SRBD1: variants seen among roughly 807,000 people sequenced by gnomAD.
SRBD1 encodes the protein S1 RNA binding domain 1.
SRBD1 carries 88 observed loss-of-function variants against 115.3 expected under a neutral mutation model. That is an observed-to-expected ratio of 0.76 (90% confidence interval 0.64 to 0.91). The LOEUF (loss-of-function observed/expected upper bound fraction) is 0.91. Ranked by LOEUF, SRBD1 falls within the 40% of genes least tolerant of loss-of-function variation. The probability of loss-of-function intolerance (pLI) is 0.00; values close to 1 mark genes in which losing one functional copy is unlikely to be tolerated. For synonymous variants in SRBD1, 509 were observed against 407.7 expected, an observed-to-expected ratio of 1.25 and a Z score of -2.99; for missense variants, 1,385 against 1,177.4, an observed-to-expected ratio of 1.18 and a Z score of -2.58.
Position 45,413,249 on chromosome 2 carries a change from G to T in SRBD1, c.2378C>A (p.Thr793Lys), listed in dbSNP as rs762746662. Residue 793 changes from threonine to lysine, a missense_variant, in exon 19 of 21, where the codon ACA (threonine) becomes AAA (lysine). By Grantham distance (78) the Thr-to-Lys change is moderately conservative. Coordinates refer to ENST00000263736, the MANE Select transcript of SRBD1 (RefSeq NM_018079.5). ...TSGQIQGVAV[T>K]SSADVEVTNE... Reference sequence around the variant, plus strand: ...TGTGACCTCAACGTCTGCTGAAGATGTCACAGCAACTCCTTGAATTTGGCC... The same window carrying T: ...TGTGACCTCAACGTCTGCTGAAGATTTCACAGCAACTCCTTGAATTTGGCC... 6 of 1,614,034 alleles carry T rather than the reference G, an allele frequency of 3.7e-6. No individual in the cohort carries two copies. Among genetic ancestry groups the T allele is most frequent in the Non-Finnish European group, 5.1e-6 (6 of 1,179,976 alleles).
At chr2:45,426,361 T>A (rs1160785717) in intron 16 of SRBD1, among the ~76,000 whole-genome samples, 1 of 152,222 alleles carries the variant, frequency 6.6e-6, no homozygotes, top group African/African-American at 2.4e-5. Flanking sequence ...CAGGGGCTTA[T>A]AGATAAAACT....
chr2:45,543,775 A>C (rs151325807), intron 14 of SRBD1, among the ~76,000 whole-genome samples: 1 of 152,228 alleles, frequency 6.6e-6, no homozygotes, highest in Non-Finnish European at 1.5e-5. Context: ...AAATGCAAAA[A>C]GTACATTAAA....
At chr2:45,534,503 C>T (rs1671708147) in intron 14 of SRBD1, among the ~76,000 whole-genome samples, 2 of 151,870 alleles carry the variant, frequency 1.3e-5, no homozygotes, top group Non-Finnish European at 2.9e-5. Flanking sequence ...ATTTAAATAA[C>T]ACAGCACCTT....
chr2:45,575,890 G>A (rs1352815613), intron 7 of SRBD1, among the ~76,000 whole-genome samples: 1 of 152,116 alleles, frequency 6.6e-6, no homozygotes, highest in Non-Finnish European at 1.5e-5. Flanking sequence ...TTTTAGTAGT[G>A]ACGGGCTTTC....
chr2:45,470,145 C>A (rs542327809), intron 16 of SRBD1, among the ~76,000 whole-genome samples: 3 of 152,156 alleles, frequency 2.0e-5, no homozygotes, highest in African/African-American at 4.8e-5. Context: ...GTAGAACAGG[C>A]AAGAAACCTT....
intron 14 of SRBD1, among the ~76,000 whole-genome samples, chr2:45,520,791 T>C (rs1020907765): frequency 3.3e-5 from 5 of 152,148 alleles, no homozygotes; most frequent in African/African-American, 7.2e-5. Context: ...CTTCCCACTA[T>C]ATCCCCTTGT....
At chr2:45,468,575 G>C (rs369562538) in intron 16 of SRBD1, among the ~76,000 whole-genome samples, 2 of 152,060 alleles carry the variant, frequency 1.3e-5, no homozygotes, top group African/African-American at 4.8e-5. Flanking sequence ...TTTTTGTAGA[G>C]ATGACGTCTC....
intron 14 of SRBD1, chr2:45,546,334 A>T: frequency 5.1e-6 from 5 of 985,458 alleles, no homozygotes; most frequent in Non-Finnish European, 6.0e-6. Context: ...CTCAGTTCTG[A>T]AGGGTAATGA....
chr2:45,583,580 G>C (rs558940336), intron 5 of SRBD1, among the ~76,000 whole-genome samples: 2 of 152,160 alleles, frequency 1.3e-5, no homozygotes, highest in Admixed American at 6.5e-5. Flanking sequence ...AACAATATTT[G>C]CCTTTACCAC....
Position 45,488,245 on chromosome 2 carries a change from C to A in SRBD1, c.1961G>T (p.Ser654Ile). ...EMPGLDPNLRSAVSIARRVQD... is the reference protein window; with the variant it reads ...EMPGLDPNLRIAVSIARRVQD... ...GATGGTCCATAGTTTCTTACCTGCACTTCTCAAATTAGGGTCCAGCCCTGG... is the reference window on the plus strand; with the variant it reads ...GATGGTCCATAGTTTCTTACCTGCAATTCTCAAATTAGGGTCCAGCCCTGG... The change falls in exon 15 of 21, where the codon AGT (serine) becomes ATT (isoleucine). Residue 654 changes from serine to isoleucine, a missense_variant. Coordinates refer to ENST00000263736, the MANE Select transcript of SRBD1 (RefSeq NM_018079.5). The A allele has an allele frequency of 6.2e-7, 1 of 1,613,704 alleles. No individual in the cohort carries two copies. Among genetic ancestry groups the A allele is most frequent in the Non-Finnish European group, 8.5e-7 (1 of 1,179,778 alleles).
At chr2:45,502,409 T>C (rs1043100596) in intron 14 of SRBD1, among the ~76,000 whole-genome samples, 1 of 152,098 alleles carries the variant, frequency 6.6e-6, no homozygotes, top group Admixed American at 6.5e-5. Context: ...CTATTCACAA[T>C]AGCAAAGACT....
chr2:45,446,776 T>C (rs6725040), intron 16 of SRBD1, among the ~76,000 whole-genome samples: 149,754 of 152,058 alleles, frequency 0.98, 73,750 homozygotes, highest in East Asian at 1. Flanking sequence ...CATAGGTCGC[T>C]CTCAAAGGAA....
At chr2:45,582,133 G>C (rs766901877) in intron 5 of SRBD1, among the ~76,000 whole-genome samples, 5 of 152,020 alleles carry the variant, frequency 3.3e-5, no homozygotes, top group African/African-American at 7.2e-5. Flanking sequence ...AAGAATTATG[G>C]GTTACATGTA....
intron 14 of SRBD1, among the ~76,000 whole-genome samples, chr2:45,521,907 G>A (rs1220682035): frequency 1.3e-5 from 2 of 151,872 alleles, no homozygotes; most frequent in Admixed American, 1.3e-4. Context: ...GATTGAGGCT[G>A]TAGTGAGCCA....
chr2:45,538,135 AC>A (rs1321895893), intron 14 of SRBD1, among the ~76,000 whole-genome samples: 3 of 152,244 alleles, frequency 2.0e-5, no homozygotes. Context: ...GAAAGCCATA[AC>A]CAGTCAACCA....
rs770791120 is a variant in SRBD1 at position 45,599,669 on chromosome 2, C to G, written c.428G>C (p.Ser143Thr). ...ACTATTACTCTCACCCTCTAAGTTG[C>G]TGGCTTTGCTGGTTTCTTCTTCAAC... ...LKVEEETSKA[S>T]NLEGESNSSE... The change falls in exon 4 of 21, where the codon AGC (serine) becomes ACC (threonine). Residue 143 changes from serine (S) to threonine (T), a missense_variant. Transcript: ENST00000263736. 6.2e-7 allele frequency: 1 copy of G among 1,614,220 alleles called. No individual in the cohort carries two copies. The highest frequency in any genetic ancestry group is 8.5e-7 in the Non-Finnish European group (1 of 1,180,046).
intron 14 of SRBD1, among the ~76,000 whole-genome samples, chr2:45,529,963 ATAACT>A (rs1242351904): frequency 6.6e-6 from 1 of 152,056 alleles, no homozygotes; most frequent in Non-Finnish European, 1.5e-5. Context: ...ATTGCTGGAC[ATAACT>A]TAAAATAGGA....
At chr2:45,532,814 C>T (rs1322322973) in intron 14 of SRBD1, among the ~76,000 whole-genome samples, 5 of 147,990 alleles carry the variant, frequency 3.4e-5, no homozygotes, top group African/African-American at 7.3e-5. Context: ...CCCACTGCAG[C>T]CAAAAGATAT....
intron 4 of SRBD1, among the ~76,000 whole-genome samples, chr2:45,587,174 A>G (rs1447368491): frequency 6.9e-6 from 1 of 145,316 alleles, no homozygotes; most frequent in Non-Finnish European, 1.5e-5. Flanking sequence ...TATAAATATT[A>G]AAATATTTAA....
Sources: allele counts gnomAD v4.1 joint callset (sites outside exome capture counted in the v4.1 genomes callset), GRCh38; gene constraint gnomAD v4.1.1; transcripts MANE v1.5; gene names NCBI Gene and HGNC (gene_info 2026-07-23, HGNC 2026-07-21).